OSBPL10: variants seen among roughly 807,000 people sequenced by gnomAD.
OSBPL10 encodes the protein oxysterol binding protein like 10.
OSBPL10 carries 49 observed loss-of-function variants against 81.7 expected under a neutral mutation model. That is an observed-to-expected ratio of 0.60 (90% CI 0.48 to 0.76). The LOEUF is 0.76. Among genes scored for constraint, OSBPL10 ranks in the 30% least tolerant of loss-of-function variants. The pLI is 0.00. For synonymous variants in OSBPL10, 419 were observed against 383.6 expected (o/e 1.09, Z -1.08); for missense variants, 923 against 987.8 (o/e 0.93, Z 0.88).
At chr3:31,924,734 T>G (rs1026337024) in intron 1 of OSBPL10, among the ~76,000 whole-genome samples, 8 of 152,164 alleles carry the variant, frequency 5.3e-5, no homozygotes, top group African/African-American at 1.9e-4. Flanking sequence ...ATATGGTATT[T>G]GTCAGAACTA....
At chr3:31,903,715 G>A (rs368608922) in intron 1 of OSBPL10, among the ~76,000 whole-genome samples, 4 of 152,076 alleles carry the variant, frequency 2.6e-5, no homozygotes, top group East Asian at 3.9e-4. Context: ...GAGGCAATAG[G>A]AGCCCAGGCA....
In OSBPL10 at chr3:31,733,042, T is replaced by C. The variant is rs913391615; in HGVS notation, c.1095+215A>G. 4.9e-6 allele frequency: 3 copies of C among 607,086 alleles called. No individual in the cohort carries two copies. In the South Asian group the frequency reaches 6.5e-5, roughly 13 times the overall value. The allele number at this position is 607,086 out of a possible 1,614,324, so 37.6% of individuals were successfully genotyped here. On this transcript the variant is annotated intron_variant, in intron 6 of 11. Coordinates refer to ENST00000396556, the MANE Select transcript of OSBPL10 (RefSeq NM_017784.5). The stretch of plus-strand genomic sequence containing the variant: ...ATGAAAATAGGAGATTCCTCATTCG[T>C]AGGATCACAATTCACCCACAGCAGC...
chr3:31,662,432 G>C, intron 11 of OSBPL10: 1 of 1,099,636 alleles, frequency 9.1e-7, no homozygotes, highest in Non-Finnish European at 1.1e-6. Flanking sequence ...AAGAGAAAAG[G>C]AGAGTAGCTA....
chr3:32,048,395 C>T (rs1699642663), intron 1 of OSBPL10, among the ~76,000 whole-genome samples: 1 of 151,292 alleles, frequency 6.6e-6, no homozygotes, highest in South Asian at 2.1e-4. Context: ...GCAACATCTG[C>T]CTTCCTGGTT....
intron 1 of OSBPL10, among the ~76,000 whole-genome samples, chr3:31,918,713 C>G (rs1188506593): frequency 6.6e-6 from 1 of 152,080 alleles, no homozygotes; most frequent in Non-Finnish European, 1.5e-5. Context: ...GCCCACATAC[C>G]CCATTTCCTG....
At position 31,911,821 on chromosome 3, in the gene OSBPL10, A is replaced by G. The variant is rs571817196; in HGVS notation, c.282-31991T>C. On this transcript the variant is annotated intron_variant, in intron 1 of 11. Transcript: ENST00000396556. ...AAAAGTTAGTCATTCTCCTTCCATA[A>G]GTCTAGCTATATTATGAAAGAGGTC... Among the ~76,000 whole-genome samples the G allele has an allele frequency of 2.6e-5, 4 of 152,266 alleles. No homozygotes were observed. In the South Asian group the frequency reaches 6.2e-4, roughly 24 times the overall value.
At chr3:31,895,928 C>T (rs1696041024) in intron 1 of OSBPL10, among the ~76,000 whole-genome samples, 1 of 152,170 alleles carries the variant, frequency 6.6e-6, no homozygotes, top group Admixed American at 6.5e-5. Flanking sequence ...ATCTAATTCC[C>T]TGTTTCAGCA....
At chr3:31,817,560 A>ACCCG (rs74838898) in intron 4 of OSBPL10, among the ~76,000 whole-genome samples, 76,567 of 151,706 alleles carry the variant, frequency 0.5, 19,593 homozygotes, top group East Asian at 0.7. Flanking sequence ...AGCTGCACCC[A>ACCCG]CACCCACACC....
intron 4 of OSBPL10, among the ~76,000 whole-genome samples, chr3:31,825,260 G>A (rs1460305685): frequency 6.6e-6 from 1 of 152,328 alleles, no homozygotes; most frequent in East Asian, 1.9e-4. Flanking sequence ...TGGCAATGGA[G>A]GAGACAGACT....
At chr3:32,067,489 T>G (rs1014117674) in intron 1 of OSBPL10, among the ~76,000 whole-genome samples, 1 of 152,220 alleles carries the variant, frequency 6.6e-6, no homozygotes, top group African/African-American at 2.4e-5. Flanking sequence ...GAGCCCAAGC[T>G]AAGCCATCAT....
At chr3:31,825,110 T>C (rs991302239) in intron 4 of OSBPL10, among the ~76,000 whole-genome samples, 1 of 152,070 alleles carries the variant, frequency 6.6e-6, no homozygotes, top group East Asian at 1.9e-4. Flanking sequence ...CTTTATCCTA[T>C]GGACAGTGGG....
chr3:32,059,967 T>C (rs1021680865), intron 1 of OSBPL10, among the ~76,000 whole-genome samples: 1 of 150,764 alleles, frequency 6.6e-6, no homozygotes, highest in Non-Finnish European at 1.5e-5. Context: ...GCCAGGAGAG[T>C]GGAGGTAATG....
At chr3:31,956,987 T>A (rs1420205296) in intron 1 of OSBPL10, among the ~76,000 whole-genome samples, 1 of 151,842 alleles carries the variant, frequency 6.6e-6, no homozygotes, top group Non-Finnish European at 1.5e-5. Context: ...ACAAAAAAGT[T>A]ATCTGGATGT....
At position 31,836,380 on chromosome 3, in the gene OSBPL10, A is replaced by C. The variant is rs191394869; in HGVS notation, c.538-6149T>G. 2.6e-5 allele frequency among the ~76,000 whole-genome samples: 4 copies of C among 152,134 alleles called. No homozygotes were observed. In the East Asian group the frequency reaches 5.8e-4, roughly 22 times the overall value. On this transcript the variant is annotated intron_variant, in intron 3 of 11. Transcript: ENST00000396556. ...CCTGCTTCTAAACACACTGTCCTGA[A>C]TCTATGAGTATGCACGCAAATGCCA...
chr3:31,786,738 G>A (rs1698870475), intron 4 of OSBPL10, among the ~76,000 whole-genome samples: 1 of 152,148 alleles, frequency 6.6e-6, no homozygotes, highest in Non-Finnish European at 1.5e-5. Flanking sequence ...TATATATATT[G>A]TATGATTTAA....
chr3:31,773,729 C>T (rs981889355), intron 4 of OSBPL10, among the ~76,000 whole-genome samples: 1 of 152,252 alleles, frequency 6.6e-6, no homozygotes, highest in South Asian at 2.1e-4. Flanking sequence ...TGTCATGCTT[C>T]ATCATGCAGT....
chr3:31,805,313 C>T (rs1699493143), intron 4 of OSBPL10, among the ~76,000 whole-genome samples: 1 of 152,182 alleles, frequency 6.6e-6, no homozygotes, highest in Non-Finnish European at 1.5e-5. Flanking sequence ...ACCAGAAATG[C>T]TGGTCTCAAA....
chr3:31,922,675 A>AT (rs199905824), intron 1 of OSBPL10, among the ~76,000 whole-genome samples: 3 of 152,232 alleles, frequency 2.0e-5, no homozygotes, highest in Admixed American at 6.5e-5. Flanking sequence ...AAGTCTATTA[A>AT]TTTTTTTTAA....
intron 1 of OSBPL10, among the ~76,000 whole-genome samples, chr3:31,940,100 T>C (rs536382486): frequency 6.6e-6 from 1 of 152,330 alleles, no homozygotes; most frequent in South Asian, 2.1e-4. Context: ...TAGAAATATA[T>C]GTCCACAAAA....
Sources: allele counts gnomAD v4.1 joint callset (sites outside exome capture counted in the v4.1 genomes callset), GRCh38; gene constraint gnomAD v4.1.1; transcripts MANE v1.5; gene names NCBI Gene and HGNC (gene_info 2026-07-23, HGNC 2026-07-21).